SLC31A2: variants seen among roughly 807,000 people sequenced by gnomAD.
SLC31A2 encodes protein SLC31A2.
A neutral mutation model predicts 14.4 loss-of-function variants in SLC31A2; 16 were observed. The observed-to-expected ratio is 1.11, with a 90% CI of 0.75 to 1.69. The LOEUF is 1.69. SLC31A2 is among the 40% of genes most tolerant of loss of function. The pLI is 0.00. For synonymous variants in SLC31A2, 56 were observed against 68.7 expected (o/e 0.82, Z 0.91); for missense variants, 140 against 173.9 (o/e 0.81, Z 1.10).
Position 113,155,933 on chromosome 9 carries a change from T to C in SLC31A2, c.7-1794T>C, listed in dbSNP as rs575888314. 16 of 435,840 alleles carry C rather than the reference T, an allele frequency of 3.7e-5. No individual in the cohort carries two copies. The East Asian group carries it at 9.2e-4, about 25-fold the overall frequency. 27.0% of individuals were successfully genotyped at this position (435,840 alleles called of 1,614,324 possible). ...TTTGTTCCAAATCCTGGACTCAGAC[T>C]ACTATTCTTTACTATCTCCTTTGGT... On this transcript the variant is annotated intron_variant, in intron 1 of 3. Coordinates refer to ENST00000259392, the MANE Select transcript of SLC31A2 (RefSeq NM_001860.3).
chr9:113,151,035 C>T lies in SLC31A2; in HGVS notation c.-40C>T. On this transcript the variant is annotated 5_prime_UTR_variant, in exon 1 of 4. Transcript: ENST00000259392. The surrounding 1 kb of genome is among the most constrained non-coding windows in gnomAD (Gnocchi z 4.2). ...CTGACTCGGAGCGAGGAGACCCGAGCGAGCAGACGCGGCCCTGGCGCCCGC... is the reference window on the plus strand; with the variant it reads ...CTGACTCGGAGCGAGGAGACCCGAGTGAGCAGACGCGGCCCTGGCGCCCGC... 4 of 1,299,490 alleles carry T rather than the reference C, an allele frequency of 3.1e-6. No individual in the cohort carries two copies. The highest frequency in any genetic ancestry group is 3.9e-6 in the Non-Finnish European group (4 of 1,018,036). The allele number at this position is 1,299,490 out of a possible 1,614,324, so 80.5% of individuals were successfully genotyped here. A position where few individuals can be genotyped will look rare whatever the true frequency, so the allele number is the denominator to read the frequency against.
At chr9:113,157,628 C>A in intron 1 of SLC31A2, 99 bp from the exon 2 acceptor site, 1 of 956,494 alleles carries the variant, frequency 1.0e-6, no homozygotes, top group Admixed American at 2.1e-5. Context: ...TTCCAGTGAC[C>A]CCATTTTTCT....
intron 2 of SLC31A2, chr9:113,158,189 G>A: frequency 2.4e-6 from 1 of 422,534 alleles, no homozygotes; most frequent in Admixed American, 2.7e-5. Context: ...CACCAGTTCA[G>A]AAGCCCACAG....
chr9:113,161,471 G>T (rs528619176), intron 2 of SLC31A2, 38 bp from the exon 3 acceptor site: 1 of 1,600,376 alleles, frequency 6.2e-7, no homozygotes, highest in Admixed American at 1.7e-5. Flanking sequence ...AACAGTGCTG[G>T]CCTGGCCAGG....
At chr9:113,157,545 G>C (rs1829949602) in intron 1 of SLC31A2, among the ~76,000 whole-genome samples, 182 bp from the exon 2 acceptor site, 1 of 152,166 alleles carries the variant, frequency 6.6e-6, no homozygotes, top group Non-Finnish European at 1.5e-5. Flanking sequence ...CTCTGCTGCT[G>C]ACCCTCTTGG....
chr9:113,158,259 G>T (rs1364356207), intron 2 of SLC31A2, among the ~76,000 whole-genome samples: 1 of 152,092 alleles, frequency 6.6e-6, no homozygotes, highest in Non-Finnish European at 1.5e-5. Context: ...ATTTGAAAAG[G>T]CAGAGTTTGT....
At chr9:113,157,537 C>T (rs1829949509) in intron 1 of SLC31A2, among the ~76,000 whole-genome samples, 190 bp from the exon 2 acceptor site, 1 of 152,212 alleles carries the variant, frequency 6.6e-6, no homozygotes, top group Non-Finnish European at 1.5e-5. Context: ...AATTATAGCT[C>T]TGCTGCTGAC....
At chr9:113,162,684 T>C (rs989715046) in intron 3 of SLC31A2, 65 bp from the exon 4 acceptor site, 26 of 1,459,304 alleles carry the variant, frequency 1.8e-5, no homozygotes, top group East Asian at 4.6e-5. Flanking sequence ...CTCCCTGATA[T>C]CTACTCCCAG....
rs1830038824 is a variant in SLC31A2, at chr9:113,162,913, C to A, written c.428C>A (p.Ala143Asp). 1.2e-6 allele frequency: 2 copies of A among 1,607,122 alleles called. No individual in the cohort carries two copies. The highest frequency in any genetic ancestry group is 1.3e-5 in the African/African-American group (1 of 74,670). ...YYLAYPLLSTA is the reference protein window; with the variant it reads ...YYLAYPLLSTD ...CTAGCTTACCCACTTCTCAGCACAG[C>A]TTAGCTGGTGAGGAACGTGCAGGCA... The change falls in exon 4 of 4, where the codon GCT becomes GAT. Residue 143 changes from alanine to aspartate, a missense_variant. By Grantham distance (126) the Ala-to-Asp change is moderately radical. Coordinates refer to ENST00000259392, the MANE Select transcript of SLC31A2 (RefSeq NM_001860.3).
Position 113,162,993 on chromosome 9 carries a change from C to A in SLC31A2, c.*76C>A. ...TTCCAGACACTATACTTCCAACTGC[C>A]CTTTCTTCTGATGGCTATTCCTCCA... On this transcript the variant is annotated 3_prime_UTR_variant, in exon 4 of 4. Transcript: ENST00000259392. 1 of 1,321,024 alleles carries A rather than the reference C, an allele frequency of 7.6e-7. No individual in the cohort carries two copies. The highest frequency in any genetic ancestry group is 1.0e-6 in the Non-Finnish European group (1 of 988,218). 81.8% of individuals were successfully genotyped at this position (1,321,024 alleles called of 1,614,324 possible).
At chr9:113,160,303 TC>T (rs1421948779) in intron 2 of SLC31A2, among the ~76,000 whole-genome samples, 1 of 152,176 alleles carries the variant, frequency 6.6e-6, no homozygotes, top group Admixed American at 6.5e-5. Context: ...CTTGCCACCT[TC>T]CAGGTACCCC....
chr9:113,159,192 G>A (rs974482142), intron 2 of SLC31A2, among the ~76,000 whole-genome samples: 3 of 151,976 alleles, frequency 2.0e-5, no homozygotes, highest in Admixed American at 6.6e-5. Flanking sequence ...ATGCAGTGGC[G>A]CGATCTTGGC....
At position 113,161,676 on chromosome 9, in the gene SLC31A2, CCT is replaced by C. The variant is rs1471645488; in HGVS notation, c.242_243del (p.Pro81ArgfsTer108). The C allele has an allele frequency of 2.5e-6, 4 of 1,613,962 alleles. No homozygotes were observed. The highest frequency in any genetic ancestry group is 3.4e-6 in the Non-Finnish European group (4 of 1,179,884). On this transcript the variant is annotated frameshift_variant, in exon 3 of 4. Coordinates refer to ENST00000259392, the MANE Select transcript of SLC31A2 (RefSeq NM_001860.3). LOFTEE classifies it high-confidence loss of function. ...GGACTCTGCAGGCTCAGATTCATTC[CCT>C]GTTGGCAGAACCCACCACAGGTACA... ...DGDSAGSDSF[P>X]VGRTHHRWYL...
At chr9:113,152,217 AAAG>A (rs1829877889) in intron 1 of SLC31A2, 5 of 152,228 alleles carry the variant, frequency 3.3e-5, no homozygotes, top group Admixed American at 3.3e-4. Context: ...CACCCTGAAA[AAAG>A]CACAAATCAG....
At chr9:113,156,823 A>AG (rs1163867114) in intron 1 of SLC31A2, among the ~76,000 whole-genome samples, 2 of 152,154 alleles carry the variant, frequency 1.3e-5, no homozygotes, top group Non-Finnish European at 2.9e-5. Flanking sequence ...GGAGATTGGG[A>AG]GGAAGCACCG....
At chr9:113,153,046 A>G (rs527398518) in intron 1 of SLC31A2, among the ~76,000 whole-genome samples, 2 of 151,488 alleles carry the variant, frequency 1.3e-5, no homozygotes, top group Admixed American at 1.3e-4. Flanking sequence ...GTGTAAATGG[A>G]GTTTCACAGT....
At chr9:113,160,661 G>A (rs10981659) in intron 2 of SLC31A2, among the ~76,000 whole-genome samples, 7,676 of 152,208 alleles carry the variant, frequency 0.05, 239 homozygotes, top group South Asian at 0.13. Flanking sequence ...ATTGGCCACT[G>A]GTGATCAATT....
chr9:113,162,505 G>T (rs1830029984), intron 3 of SLC31A2: 4 of 369,706 alleles, frequency 1.1e-5, no homozygotes, highest in African/African-American at 2.2e-5. Context: ...TTTCCCCTTT[G>T]CCTAGGATGC....
At chr9:113,161,180 A>G (rs1830006434) in intron 2 of SLC31A2, 1 of 251,882 alleles carries the variant, frequency 4.0e-6, no homozygotes, top group Non-Finnish European at 7.4e-6. Context: ...GCATACTTAC[A>G]TATAAATAGG....
Sources: gnomAD v4.1 joint callset for allele counts (sites outside exome capture counted in the v4.1 genomes callset) on GRCh38, gnomAD v4.1.1 for gene constraint, Gnocchi (gnomAD v3.1) non-coding constraint, MANE v1.5 for transcripts, NCBI Gene and HGNC (gene_info 2026-07-23, HGNC 2026-07-21) for gene names.